ANAPC10: variants seen among roughly 807,000 people sequenced by gnomAD.
The protein encoded by ANAPC10 is anaphase-promoting complex subunit 10.
ANAPC10 carries 12 observed loss-of-function variants against 22.0 expected under a neutral mutation model. The observed-to-expected ratio is 0.55, with a 90% CI of 0.35 to 0.88. The LOEUF (loss-of-function observed/expected upper bound fraction) is 0.88, where lower values mean the gene tolerates loss of function less well. Ranked by LOEUF, ANAPC10 falls within the 40% of genes least tolerant of loss-of-function variation. ANAPC10 has a pLI of 0.01. For synonymous variants in ANAPC10, 65 were observed against 69.5 expected (o/e 0.94, Z 0.32); for missense variants, 188 against 220.9 (o/e 0.85, Z 0.94).
intron 4 of ANAPC10, among the ~76,000 whole-genome samples, chr4:145,023,595 T>G (rs1453850367): frequency 6.6e-6 from 1 of 152,182 alleles, no homozygotes; most frequent in Non-Finnish European, 1.5e-5. Flanking sequence ...GGTTTACCAG[T>G]GCAAATAAAA....
rs1731439578 is a variant in ANAPC10, at chr4:144,995,216, T to G, written c.*157A>C. The G allele has an allele frequency of 4.4e-6, 2 of 453,882 alleles. No individual in the cohort carries two copies. The highest frequency in any genetic ancestry group is 3.9e-5 in the Admixed American group (1 of 25,480). The allele number at this position is 453,882 out of a possible 1,614,324, so 28.1% of individuals were successfully genotyped here. A position where few individuals can be genotyped will look rare whatever the true frequency, so the allele number is the denominator to read the frequency against. ...CATGTTAAAGAAAATAAAGATAATATGACCCCAAATTTATTTGTCAAAGTT... is the reference window on the plus strand; with the variant it reads ...CATGTTAAAGAAAATAAAGATAATAGGACCCCAAATTTATTTGTCAAAGTT... On this transcript the variant is annotated 3_prime_UTR_variant, in exon 5 of 5. Transcript: ENST00000507656.
At chr4:145,007,951 A>G (rs1437321682) in intron 4 of ANAPC10, among the ~76,000 whole-genome samples, 1 of 152,176 alleles carries the variant, frequency 6.6e-6, no homozygotes, top group Admixed American at 6.5e-5. Context: ...AGACTAATAA[A>G]GAAGAAAAGA....
intron 1 of ANAPC10, chr4:145,097,684 T>C (rs901745826): frequency 4.4e-6 from 2 of 453,708 alleles, no homozygotes; most frequent in African/African-American, 2.0e-5. Flanking sequence ...TAGTTGTCAC[T>C]TGCCTGCAAG....
At chr4:145,069,517 G>C (rs534176072) in intron 3 of ANAPC10, among the ~76,000 whole-genome samples, 1 of 152,214 alleles carries the variant, frequency 6.6e-6, no homozygotes, top group South Asian at 2.1e-4. Context: ...CAGAGGACTG[G>C]GAATCATTAA....
intron 4 of ANAPC10, among the ~76,000 whole-genome samples, chr4:145,047,941 T>A (rs1008900758): frequency 6.6e-6 from 1 of 152,140 alleles, no homozygotes; most frequent in African/African-American, 2.4e-5. Flanking sequence ...GCTTATCATA[T>A]TTAGCCAGAG....
chr4:145,095,720 T>C (rs1286007489), intron 2 of ANAPC10, among the ~76,000 whole-genome samples: 3 of 152,210 alleles, frequency 2.0e-5, no homozygotes, highest in Admixed American at 6.5e-5. Flanking sequence ...TTTATTACTT[T>C]ATTACTTCTA....
At chr4:145,025,601 C>T (rs1376717748) in intron 4 of ANAPC10, among the ~76,000 whole-genome samples, 1 of 152,070 alleles carries the variant, frequency 6.6e-6, no homozygotes, top group South Asian at 2.1e-4. Flanking sequence ...GGACCCATAA[C>T]AATGACAATA....
chr4:145,064,372 C>A, intron 4 of ANAPC10, 200 bp downstream of exon 4: 1 of 372,844 alleles, frequency 2.7e-6, no homozygotes, highest in Non-Finnish European at 4.7e-6. Context: ...CTGAAAATTT[C>A]AATAATAAAA....
At chr4:145,095,094 G>A (rs1748311813) in intron 2 of ANAPC10, among the ~76,000 whole-genome samples, 1 of 152,000 alleles carries the variant, frequency 6.6e-6, no homozygotes, top group African/African-American at 2.4e-5. Flanking sequence ...TAAAGAAATT[G>A]GACAGAGATA....
chr4:145,044,290 T>C (rs897569849), intron 4 of ANAPC10, among the ~76,000 whole-genome samples: 2 of 151,938 alleles, frequency 1.3e-5, no homozygotes, highest in African/African-American at 4.8e-5. Context: ...ACAATGACTA[T>C]CAAATCTAAC....
intron 4 of ANAPC10, among the ~76,000 whole-genome samples, chr4:145,062,594 A>C (rs942005836): frequency 6.6e-6 from 1 of 152,106 alleles, no homozygotes; most frequent in African/African-American, 2.4e-5. Context: ...GTGACAGAGT[A>C]AGACTCCGTC....
chr4:145,094,043 C>A (rs1365625063), intron 2 of ANAPC10, among the ~76,000 whole-genome samples: 2 of 152,208 alleles, frequency 1.3e-5, no homozygotes, highest in African/African-American at 4.8e-5. Context: ...AAGCGGTCCA[C>A]AGAAGGGCAT....
intron 4 of ANAPC10, among the ~76,000 whole-genome samples, chr4:145,012,153 G>T (rs1394219934): frequency 1.4e-5 from 2 of 144,490 alleles, no homozygotes; most frequent in Admixed American, 7.0e-5. Context: ...ACAATTACAA[G>T]CTATATGTAT....
chr4:145,018,629 T>C (rs1236356845), intron 4 of ANAPC10, among the ~76,000 whole-genome samples: 1 of 150,098 alleles, frequency 6.7e-6, no homozygotes, highest in Non-Finnish European at 1.5e-5. Flanking sequence ...AGAGCGAGAC[T>C]CCATCTCAAA....
chr4:144,995,634 T>G (rs763923853), intron 4 of ANAPC10, 31 bp from the exon 5 acceptor site: 2 of 1,414,928 alleles, frequency 1.4e-6, no homozygotes, highest in Admixed American at 3.9e-5. Flanking sequence ...AGATTATGCT[T>G]TTATTCAACA....
Position 145,081,698 on chromosome 4 carries a change from T to C in ANAPC10, c.168A>G (p.Ser56=). ...RDDNLETYWQ[S]DGSQPHLVNI... Reference sequence around the variant, plus strand: ...TCACTAAATGAGGCTGGGAACCATCTGATTGCCAATAAGTTTCTAGATTGT... The same window carrying C: ...TCACTAAATGAGGCTGGGAACCATCCGATTGCCAATAAGTTTCTAGATTGT... Residue 56 remains serine, a synonymous_variant, in exon 3 of 5, where the codon TCA becomes TCG. Transcript: ENST00000507656. The C allele has an allele frequency of 6.2e-7, 1 of 1,612,920 alleles. No homozygotes were observed. Among genetic ancestry groups the C allele is most frequent in the Non-Finnish European group, 8.5e-7 (1 of 1,179,544 alleles).
intron 4 of ANAPC10, 151 bp from the exon 5 acceptor site, chr4:144,995,754 C>T: frequency 3.2e-6 from 2 of 623,770 alleles, no homozygotes; most frequent in Non-Finnish European, 5.5e-6. Context: ...TTATTGGACA[C>T]TTTTACCATG....
chr4:145,037,186 T>A (rs1738709418), intron 4 of ANAPC10, among the ~76,000 whole-genome samples: 2 of 152,130 alleles, frequency 1.3e-5, no homozygotes, highest in African/African-American at 2.4e-5. Flanking sequence ...ATACTCCAGG[T>A]AACATCACGA....
chr4:145,062,082 A>G (rs1742977763), intron 4 of ANAPC10, among the ~76,000 whole-genome samples: 1 of 151,746 alleles, frequency 6.6e-6, no homozygotes, highest in African/African-American at 2.4e-5. Context: ...AAAAAAAAAG[A>G]TTATGATAAA....
Sources: gnomAD v4.1 joint callset for allele counts (sites outside exome capture counted in the v4.1 genomes callset) on GRCh38, gnomAD v4.1.1 for gene constraint, MANE v1.5 for transcripts, NCBI Gene and HGNC (gene_info 2026-07-23, HGNC 2026-07-21) for gene names.